The following KIF24 variants were observed in gnomAD, a reference collection of about 807,000 sequenced individuals.
The protein encoded by KIF24 is kinesin-like protein KIF24.
In KIF24, 81 loss-of-function variants were observed where a neutral mutation model predicts 118.9. The ratio of observed to expected loss-of-function variants is 0.68; its 90% CI spans 0.57 to 0.82. The LOEUF is 0.82. Ranked by LOEUF, KIF24 falls within the 40% of genes least tolerant of loss-of-function variation. The probability of loss-of-function intolerance (pLI) is 0.00; values close to 1 mark genes in which losing one functional copy is unlikely to be tolerated. For missense variants in KIF24, 1,560 were observed against 1,661.6 expected, an observed-to-expected ratio of 0.94 and a Z score of 1.06; for synonymous variants, 599 against 610.0, an observed-to-expected ratio of 0.98 and a Z score of 0.27.
At chr9:34,301,149 C>T (rs528248961) in intron 3 of KIF24, among the ~76,000 whole-genome samples, 22 of 152,290 alleles carry the variant, frequency 1.4e-4, no homozygotes, top group African/African-American at 5.1e-4. Context: ...CAATTCATAA[C>T]GTCCTTTGCA....
Position 34,256,620 on chromosome 9 carries a change from C to T in KIF24, c.2987G>A (p.Gly996Glu), listed in dbSNP as rs563096010. 1 of 1,613,806 alleles carries T rather than the reference C, an allele frequency of 6.2e-7. No individual in the cohort carries two copies. Among genetic ancestry groups the T allele is most frequent in the Non-Finnish European group, 8.5e-7 (1 of 1,179,902 alleles). The change falls in exon 11 of 13, where the codon GGA (glycine) becomes GAA (glutamate). Residue 996 changes from glycine to glutamate, a missense_variant. Around this residue, in one of 3 missense-constraint regions of KIF24, gnomAD observed 591 missense variants for 655.6 expected, o/e 0.90. Coordinates refer to ENST00000402558, the MANE Select transcript of KIF24 (RefSeq NM_194313.4). ...GACTGTGTCTCTTTGGTCTGGGGAT[C>T]CAGGAACTGCAACGTGGGACAATGA... ...TISLSHVAVP[G>E]SPDQRDTVTT...
chr9:34,326,846 C>T (rs1837686952), intron 1 of KIF24, among the ~76,000 whole-genome samples: 1 of 152,032 alleles, frequency 6.6e-6, no homozygotes, highest in South Asian at 2.1e-4. Context: ...TATGATTCGT[C>T]TTCAAAGTTC....
At chr9:34,271,741 G>A in intron 7 of KIF24, 68 bp downstream of exon 7, 2 of 1,563,392 alleles carry the variant, frequency 1.3e-6, no homozygotes, top group South Asian at 2.4e-5. Flanking sequence ...CTGTTGTTGA[G>A]AAAACATACT....
rs1192177489 is a variant in KIF24, at chr9:34,274,724, G to GA, written c.1216-2795dup. ...AACAAGAGCAAAATCTGTCTCCAAAGAAAAAAAAAAAGAGTAAAGTGAAAG... is the reference window on the plus strand; with the variant it reads ...AACAAGAGCAAAATCTGTCTCCAAAGAAAAAAAAAAAAGAGTAAAGTGAAAG... On this transcript the variant is annotated intron_variant, in intron 6 of 12. Transcript: ENST00000402558. Among the ~76,000 whole-genome samples, 11 of 8,592 alleles carry GA rather than the reference G, an allele frequency of 1.3e-3. 1 individual carries two copies. Among genetic ancestry groups the GA allele is most frequent in the Non-Finnish European group, 1.9e-3 (4 of 2,100 alleles). The allele number at this position is 8,592 out of a possible 152,430, so 5.6% of individuals were successfully genotyped here.
intron 6 of KIF24, among the ~76,000 whole-genome samples, chr9:34,279,526 C>T (rs1835769824): frequency 6.6e-6 from 1 of 152,210 alleles, no homozygotes; most frequent in Non-Finnish European, 1.5e-5. Context: ...GCAGTGAGTC[C>T]TCTGTAAAGG....
chr9:34,286,241 G>C (rs961615880), intron 6 of KIF24, among the ~76,000 whole-genome samples: 1 of 152,176 alleles, frequency 6.6e-6, no homozygotes, highest in Non-Finnish European at 1.5e-5. Flanking sequence ...GGCTGAGGCA[G>C]GAGAATTGCT....
chr9:34,264,171 C>T (rs1334587813), intron 8 of KIF24, among the ~76,000 whole-genome samples: 1 of 151,782 alleles, frequency 6.6e-6, no homozygotes, highest in Non-Finnish European at 1.5e-5. Context: ...CCTGTAATCC[C>T]AGCACTTTGG....
Position 34,318,727 on chromosome 9 carries a change from C to G in KIF24, c.-25-7356G>C. 1 of 1,507,008 alleles carries G rather than the reference C, an allele frequency of 6.6e-7. No homozygotes were observed. The highest frequency in any genetic ancestry group is 9.1e-7 in the Non-Finnish European group (1 of 1,104,684). The allele number at this position is 1,507,008 out of a possible 1,614,324, so 93.4% of individuals were successfully genotyped here. On this transcript the variant is annotated intron_variant, in intron 1 of 12. Transcript: ENST00000402558. The surrounding 1 kb of genome is among the most constrained non-coding windows in gnomAD (Gnocchi z 4.9). ...AGCAGCTGAGCGACGAGGAGGTGCA[C>G]GCCGGCGTGGGCGAGCCGCTGCGTT...
At position 34,252,639 on chromosome 9, in the gene KIF24, C is replaced by T. The variant is rs1177371622; in HGVS notation, c.*1741G>A. 2 of 152,206 alleles carry T rather than the reference C, an allele frequency of 1.3e-5. No homozygotes were observed. The highest frequency in any genetic ancestry group is 2.4e-5 in the African/African-American group (1 of 41,380). 9.4% of individuals were successfully genotyped at this position (152,206 alleles called of 1,614,324 possible). On this transcript the variant is annotated 3_prime_UTR_variant, in exon 13 of 13. Transcript: ENST00000402558. Reference sequence around the variant, plus strand: ...TGCTGGGGATAGAATAGGACCTAACCGTTTTCTATTTCGGAGCTTTCTTCC... The same window carrying T: ...TGCTGGGGATAGAATAGGACCTAACTGTTTTCTATTTCGGAGCTTTCTTCC...
At chr9:34,319,121 A>C in intron 1 of KIF24, 14 of 1,460,928 alleles carry the variant, frequency 9.6e-6, no homozygotes, top group Non-Finnish European at 1.2e-5. Flanking sequence ...GATGCACCAG[A>C]CAGGCCTCTA....
At position 34,257,608 on chromosome 9, in the gene KIF24, G is replaced by A. The variant is rs548723620; in HGVS notation, c.1999C>T (p.Pro667Ser). ...ATTCGATTTTTCTCAGAGCACAATG[G>A]TGCTGACTCTTCTGGCTTTTTTTTG... ...VAKKKPEESA[P>S]LCSEKNRMGN... Residue 667 changes from proline to serine, a missense_variant, in exon 11 of 13, where the codon CCA becomes TCA. Coordinates refer to ENST00000402558, the MANE Select transcript of KIF24 (RefSeq NM_194313.4). The A allele has an allele frequency of 2.2e-5, 35 of 1,614,076 alleles. No homozygotes were observed. The highest frequency in any genetic ancestry group is 2.9e-5 in the Non-Finnish European group (34 of 1,179,912).
intron 9 of KIF24, among the ~76,000 whole-genome samples, chr9:34,262,425 C>T (rs1835090537): frequency 6.6e-6 from 1 of 151,288 alleles, no homozygotes; most frequent in South Asian, 2.1e-4. Context: ...GATTTTTTTT[C>T]AGATTTTGGA....
rs1435642880 is a variant in KIF24 at position 34,257,019 on chromosome 9, T to C, written c.2588A>G (p.Gln863Arg). Residue 863 changes from glutamine (Q) to arginine (R), a missense_variant, in exon 11 of 13, where the codon CAG (glutamine) becomes CGG (arginine). Physicochemically the swap from Gln to Arg is conservative, Grantham distance 43 (BLOSUM62 1). Transcript: ENST00000402558. ...TTCTGCCACCTGCTTCTCAGGACCC[T>C]GTCCCCACGTCTGGTGCAGGAAGAA... is the stretch of plus-strand genomic sequence containing the variant. ...DSFFLHQTWGQGPEKQVAERQ... is the reference protein window; with the variant it reads ...DSFFLHQTWGRGPEKQVAERQ... 10 of 1,613,938 alleles carry C rather than the reference T, an allele frequency of 6.2e-6. No homozygotes were observed. In the Admixed American group the frequency reaches 1.5e-4, roughly 24 times the overall value.
chr9:34,303,890 T>C (rs553493091), intron 3 of KIF24, among the ~76,000 whole-genome samples: 5 of 152,318 alleles, frequency 3.3e-5, no homozygotes, highest in African/African-American at 1.2e-4. Flanking sequence ...CTTATTTGTG[T>C]GTTTGTTGGC....
intron 4 of KIF24, among the ~76,000 whole-genome samples, chr9:34,295,080 C>G (rs900849341): frequency 6.6e-6 from 1 of 152,166 alleles, no homozygotes; most frequent in African/African-American, 2.4e-5. Flanking sequence ...TAGCAGGCTA[C>G]TTGGCATTTT....
chr9:34,317,110 C>G (rs1563963761), intron 1 of KIF24, among the ~76,000 whole-genome samples: 1 of 151,578 alleles, frequency 6.6e-6, no homozygotes, highest in Non-Finnish European at 1.5e-5. Flanking sequence ...CCCAGCTACT[C>G]GGGAGGCTGA....
chr9:34,320,332 C>CAA (rs66835823), intron 1 of KIF24, among the ~76,000 whole-genome samples: 15,919 of 106,018 alleles, frequency 0.15, 1,049 homozygotes, highest in Non-Finnish European at 0.2. Flanking sequence ...AATGTTCCAA[C>CAA]AAAAAAAAAA....
Position 34,257,399 on chromosome 9 carries a change from G to A in KIF24, c.2208C>T (p.Asp736=). ...GCCTAGCAGGCGTGCCCCTCTGGCT[G>A]TCTTGACTGTACTCAGCCCTGTGGT... ...NAHHRAEYSQ[D]SQRGTPARPA... The change falls in exon 11 of 13, where the codon GAC becomes GAT. Residue 736 remains aspartate (D), a synonymous_variant. Coordinates refer to ENST00000402558, the MANE Select transcript of KIF24 (RefSeq NM_194313.4). The A allele has an allele frequency of 6.2e-7, 1 of 1,614,066 alleles. No individual in the cohort carries two copies. The highest frequency in any genetic ancestry group is 8.5e-7 in the Non-Finnish European group (1 of 1,179,894).
chr9:34,306,202 A>AG, intron 3 of KIF24, 50 bp downstream of exon 3: 2 of 1,277,106 alleles, frequency 1.6e-6, no homozygotes, highest in Non-Finnish European at 2.2e-6. Context: ...GCAAAAAAAA[A>AG]TGACATACTT....
Sources: allele counts gnomAD v4.1 joint callset (sites outside exome capture counted in the v4.1 genomes callset), GRCh38; gene constraint gnomAD v4.1.1; regional missense constraint gnomAD v4.1.1; non-coding constraint Gnocchi (gnomAD v3.1); transcripts MANE v1.5; gene names NCBI Gene and HGNC (gene_info 2026-07-23, HGNC 2026-07-21).